The following ZNRF3 variants were observed in gnomAD, a reference collection of about 807,000 sequenced individuals.
ZNRF3 encodes the protein E3 ubiquitin-protein ligase ZNRF3.
A neutral mutation model predicts 72.5 loss-of-function variants in ZNRF3; 23 were observed. That is an observed-to-expected ratio of 0.32 (90% CI 0.23 to 0.45). The LOEUF (loss-of-function observed/expected upper bound fraction) is 0.45. ZNRF3 is among the 20% of genes least tolerant of loss of function. The pLI, the probability that ZNRF3 is intolerant of heterozygous loss-of-function variation, is 1.00. For synonymous variants in ZNRF3, 610 were observed against 545.3 expected (o/e 1.12, Z -1.65); for missense variants, 1,169 against 1,272.1 (o/e 0.92, Z 1.23).
chr22:28,974,182 C>T (rs1015447070), intron 1 of ZNRF3, among the ~76,000 whole-genome samples: 1 of 152,024 alleles, frequency 6.6e-6, no homozygotes, highest in African/African-American at 2.4e-5. Flanking sequence ...AGGATGGTCT[C>T]GATCTCCTGA....
rs375211748 is a variant in ZNRF3, at chr22:29,046,583, G to T, written c.745-133G>T. The T allele has an allele frequency of 7.0e-6, 7 of 997,166 alleles. No homozygotes were observed. In the East Asian group the frequency reaches 8.2e-5, roughly 12 times the overall value. The allele number at this position is 997,166 out of a possible 1,614,324, so 61.8% of individuals were successfully genotyped here. On this transcript the variant is annotated intron_variant, in intron 5 of 8. Coordinates refer to ENST00000544604, the MANE Select transcript of ZNRF3 (RefSeq NM_001206998.2). The stretch of plus-strand genomic sequence containing the variant: ...TGCTATGGCAGTCTGAGTTCTGAGC[G>T]ACTTCTCAGAAGTCTGTTCCGGCAT...
intron 2 of ZNRF3, among the ~76,000 whole-genome samples, chr22:29,004,754 G>A (rs986919283): frequency 6.6e-5 from 10 of 152,160 alleles, no homozygotes; most frequent in Admixed American, 2.0e-4. Context: ...GGCGGGTGGC[G>A]GCTGCAGTGG....
At chr22:28,919,539 T>A (rs1395369802) in intron 1 of ZNRF3, among the ~76,000 whole-genome samples, 1 of 151,096 alleles carries the variant, frequency 6.6e-6, no homozygotes, top group African/African-American at 2.4e-5. Flanking sequence ...TTAGCCTCTT[T>A]ACTTTTTTTT....
chr22:29,033,448 C>CT (rs2036802967), intron 2 of ZNRF3, among the ~76,000 whole-genome samples: 1 of 151,692 alleles, frequency 6.6e-6, no homozygotes, highest in South Asian at 2.1e-4. Context: ...ACATCTTACC[C>CT]TAAGAGCAGC....
chr22:28,987,284 T>A (rs2035871372), intron 2 of ZNRF3, 83 bp downstream of exon 2: 1 of 1,541,746 alleles, frequency 6.5e-7, no homozygotes, highest in Admixed American at 2.0e-5. Context: ...AATAGTTGAT[T>A]ATGGAGAAGA....
intron 2 of ZNRF3, among the ~76,000 whole-genome samples, chr22:29,001,503 G>GTTTTTTTTTTT (rs2036146795): frequency 8.4e-6 from 1 of 119,458 alleles, no homozygotes. Flanking sequence ...ATGGAGTCTC[G>GTTTTTTTTTTT]CTCTGTTGCC....
At chr22:29,043,766 C>T (rs1040480024) in intron 4 of ZNRF3, among the ~76,000 whole-genome samples, 2 of 152,164 alleles carry the variant, frequency 1.3e-5, no homozygotes, top group South Asian at 4.1e-4. Flanking sequence ...AGGGATGGGG[C>T]ATCCAGCACC....
chr22:28,920,431 C>A (rs1424968157), intron 1 of ZNRF3, among the ~76,000 whole-genome samples: 1 of 150,688 alleles, frequency 6.6e-6, no homozygotes, highest in Non-Finnish European at 1.5e-5. Context: ...CCACCACGCC[C>A]AGCTAATTTT....
At chr22:29,013,932 A>C (rs2036387941) in intron 2 of ZNRF3, among the ~76,000 whole-genome samples, 1 of 152,268 alleles carries the variant, frequency 6.6e-6, no homozygotes, top group Non-Finnish European at 1.5e-5. Flanking sequence ...TAACATAAGC[A>C]ACCATGGGCC....
At chr22:28,962,287 C>T (rs931528278) in intron 1 of ZNRF3, among the ~76,000 whole-genome samples, 1 of 152,204 alleles carries the variant, frequency 6.6e-6, no homozygotes, top group Non-Finnish European at 1.5e-5. Context: ...GCTGTCTCAG[C>T]TAAGTGACTT....
chr22:28,927,682 A>G (rs912644147), intron 1 of ZNRF3, among the ~76,000 whole-genome samples: 3 of 152,250 alleles, frequency 2.0e-5, no homozygotes, highest in Admixed American at 6.5e-5. Flanking sequence ...TCTACAAGCT[A>G]ACCTGATTCT....
At chr22:29,029,745 C>T (rs989993092) in intron 2 of ZNRF3, among the ~76,000 whole-genome samples, 19 of 152,094 alleles carry the variant, frequency 1.2e-4, no homozygotes, top group Admixed American at 1.2e-3. Flanking sequence ...CCTCCGTGAG[C>T]GAAGGTTGAG....
chr22:28,926,353 A>AT (rs929705602), intron 1 of ZNRF3, among the ~76,000 whole-genome samples: 6 of 151,976 alleles, frequency 3.9e-5, no homozygotes, highest in East Asian at 1.9e-4. Context: ...TGATTGATTG[A>AT]TTTTTTTAAA....
intron 1 of ZNRF3, among the ~76,000 whole-genome samples, chr22:28,912,407 G>A (rs1242434984): frequency 6.6e-6 from 1 of 151,956 alleles, no homozygotes; most frequent in African/African-American, 2.4e-5. Flanking sequence ...CTTTTTTTAA[G>A]CTTGATCTTA....
chr22:29,006,483 A>C (rs1324495092), intron 2 of ZNRF3, among the ~76,000 whole-genome samples: 2 of 152,256 alleles, frequency 1.3e-5, no homozygotes, highest in East Asian at 3.9e-4. Flanking sequence ...AAGTGCTGGG[A>C]TTACAGGTGT....
Position 29,050,502 on chromosome 22 carries a change from A to T in ZNRF3, c.2321A>T (p.Tyr774Phe), listed in dbSNP as rs1425695969. The change falls in exon 8 of 9, where the codon TAC (tyrosine) becomes TTC (phenylalanine). Residue 774 changes from tyrosine (Y) to phenylalanine (F), a missense_variant. This residue lies in a region of ZNRF3 where 783 missense variants were observed against 731.4 expected (regional missense o/e 1.07). Transcript: ENST00000544604. ...DHLPRTDGVK[Y>F]EGLPCCFYEE... ...TTGCCCAGGACAGATGGGGTGAAAT[A>T]CGAGGGTCTGCCCTGCTGCTTCTAT... 1 of 1,612,598 alleles carries T rather than the reference A, an allele frequency of 6.2e-7. No homozygotes were observed.
chr22:28,949,539 C>T (rs558384188), intron 1 of ZNRF3, among the ~76,000 whole-genome samples: 1 of 152,320 alleles, frequency 6.6e-6, no homozygotes, highest in Admixed American at 6.5e-5. Flanking sequence ...CTTGACCCCA[C>T]AAAGTGCTGG....
intron 2 of ZNRF3, among the ~76,000 whole-genome samples, chr22:29,029,867 C>T (rs1176717386): frequency 1.3e-5 from 2 of 152,118 alleles, no homozygotes; most frequent in South Asian, 2.1e-4. Flanking sequence ...TGTTGTTCCT[C>T]GTTAAGCCTG....
intron 1 of ZNRF3, among the ~76,000 whole-genome samples, chr22:28,910,747 G>A (rs752583950): frequency 3.3e-5 from 5 of 152,140 alleles, no homozygotes; most frequent in African/African-American, 9.7e-5. Flanking sequence ...CAAATGCTTG[G>A]GGCCCAGAGA....
Sources: allele counts gnomAD v4.1 joint callset (sites outside exome capture counted in the v4.1 genomes callset), GRCh38; gene constraint gnomAD v4.1.1; regional missense constraint gnomAD v4.1.1; transcripts MANE v1.5; gene names NCBI Gene and HGNC (gene_info 2026-07-23, HGNC 2026-07-21).